The following PIGN variants were observed in gnomAD, a reference collection of about 807,000 sequenced individuals.
The protein encoded by PIGN is GPI ethanolamine phosphate transferase 1.
A neutral mutation model predicts 125.4 loss-of-function variants in PIGN; 117 were observed. The observed-to-expected ratio is 0.93, with a 90% confidence interval of 0.80 to 1.09. The LOEUF (loss-of-function observed/expected upper bound fraction) is 1.09. PIGN is among the 50% of genes least tolerant of loss of function. The pLI, the probability that PIGN is intolerant of heterozygous loss-of-function variation, is 0.00. For missense variants in PIGN, 1,075 were observed against 1,094.9 expected (o/e 0.98, Z 0.26); for synonymous variants, 392 against 377.8 (o/e 1.04, Z -0.44).
At chr18:62,087,719 A>G (rs2033772071) in intron 25 of PIGN, among the ~76,000 whole-genome samples, 1 of 152,204 alleles carries the variant, frequency 6.6e-6, no homozygotes. Context: ...GGTCAGCTCA[A>G]AGAAAATGCC....
At chr18:62,162,060 T>C (rs2036972476) in intron 3 of PIGN, among the ~76,000 whole-genome samples, 193 bp downstream of exon 3, 1 of 152,108 alleles carries the variant, frequency 6.6e-6, no homozygotes, top group Admixed American at 6.6e-5. Flanking sequence ...CCTGAATCAA[T>C]CAAAAAGGTT....
At chr18:62,070,486 G>A (rs908360514) in intron 30 of PIGN, 17 of 398,320 alleles carry the variant, frequency 4.3e-5, no homozygotes, top group African/African-American at 6.2e-5. Context: ...AAATAACCAG[G>A]CAGTACATGC....
chr18:62,050,479 A>C (rs2031182903), intron 30 of PIGN, among the ~76,000 whole-genome samples: 1 of 152,000 alleles, frequency 6.6e-6, no homozygotes, highest in East Asian at 1.9e-4. Flanking sequence ...ATGGGAGTTC[A>C]CTCATGATTT....
intron 11 of PIGN, among the ~76,000 whole-genome samples, chr18:62,142,174 A>G (rs2036163558): frequency 6.6e-6 from 1 of 152,192 alleles, no homozygotes; most frequent in African/African-American, 2.4e-5. Context: ...CAGGACAGGG[A>G]TTATGTCTGC....
rs1446576916 is a variant in PIGN at position 62,147,002 on chromosome 18, G to T, written c.774C>A (p.Ile258=). 6.2e-7 allele frequency: 1 copy of T among 1,612,204 alleles called. No homozygotes were observed. The highest frequency in any genetic ancestry group is 1.3e-5 in the African/African-American group (1 of 74,886). Residue 258 remains isoleucine (I), a synonymous_variant, in exon 9 of 31, where the codon ATC becomes ATA. Coordinates refer to ENST00000640252, the MANE Select transcript of PIGN (RefSeq NM_176787.5). ...CTGTCATTCCATGGTCAGAGGTAAA[G>T]ATAAATGTTGTTTTCCCATCATTTC... is the stretch of plus-strand genomic sequence containing the variant. ...FYGNDGKTTF[I]FTSDHGMTDW...
At chr18:62,169,008 A>G (rs928802705) in intron 1 of PIGN, among the ~76,000 whole-genome samples, 1 of 152,068 alleles carries the variant, frequency 6.6e-6, no homozygotes, top group Admixed American at 6.6e-5. Flanking sequence ...GACGTGTACC[A>G]CCATGCTCAG....
At chr18:62,053,639 T>C (rs554256919) in intron 30 of PIGN, among the ~76,000 whole-genome samples, 29 of 152,106 alleles carry the variant, frequency 1.9e-4, no homozygotes, top group Non-Finnish European at 4.3e-4. Flanking sequence ...TCAGATAAAA[T>C]AGACTTCAGA....
At chr18:62,039,231 T>C (rs2030302252), downstream of PIGN, among the ~76,000 whole-genome samples, 1 of 152,088 alleles carries the variant, frequency 6.6e-6, no homozygotes, top group Non-Finnish European at 1.5e-5. Context: ...TATTTTACAA[T>C]AGTTTTATAG....
At chr18:62,115,553 G>C (rs898662668) in intron 14 of PIGN, among the ~76,000 whole-genome samples, 3 of 151,010 alleles carry the variant, frequency 2.0e-5, no homozygotes, top group Non-Finnish European at 2.9e-5. Flanking sequence ...ACTGCACATG[G>C]GTCGACATAA....
intron 4 of PIGN, among the ~76,000 whole-genome samples, chr18:62,160,379 G>T (rs1329796606): frequency 6.6e-6 from 1 of 152,180 alleles, no homozygotes; most frequent in Non-Finnish European, 1.5e-5. Context: ...CAGTGATATA[G>T]AAGTGAAAGG....
intron 30 of PIGN, among the ~76,000 whole-genome samples, chr18:62,048,823 G>T (rs1249063699): frequency 6.7e-6 from 1 of 150,158 alleles, no homozygotes; most frequent in African/African-American, 2.5e-5. Flanking sequence ...TTTAGCATTA[G>T]GCATATCTCC....
At chr18:62,146,826 A>T (rs1240246577) in intron 9 of PIGN, 145 bp downstream of exon 9, 4 of 705,700 alleles carry the variant, frequency 5.7e-6, no homozygotes, top group Non-Finnish European at 8.3e-6. Context: ...GTTGTTTTTT[A>T]GGCTAACATT....
At chr18:62,167,338 G>A (rs1480567899) in intron 1 of PIGN, among the ~76,000 whole-genome samples, 1 of 136,054 alleles carries the variant, frequency 7.4e-6, no homozygotes, top group African/African-American at 2.9e-5. Flanking sequence ...GTGTGTGTGT[G>A]TATTCAAAGT....
At chr18:62,112,287 T>A (rs1044263406) in intron 16 of PIGN, among the ~76,000 whole-genome samples, 1 of 152,096 alleles carries the variant, frequency 6.6e-6, no homozygotes, top group Non-Finnish European at 1.5e-5. Context: ...TACAGAATAA[T>A]AAAATATAAA....
At chr18:62,021,306 G>A (rs2030052555) in intron 23 of PIGN, among the ~76,000 whole-genome samples, 2 of 152,208 alleles carry the variant, frequency 1.3e-5, no homozygotes, top group South Asian at 4.1e-4. Context: ...CAAGCCAGGA[G>A]CTGTGTGTGA....
rs139652387 is a variant in PIGN at position 62,169,140 on chromosome 18, A to G, written c.-235-5484T>C. Among the ~76,000 whole-genome samples the G allele has an allele frequency of 5.2e-4, 79 of 151,994 alleles. 1 individual carries two copies. In the East Asian group the frequency reaches 0.015, roughly 29 times the overall value. On this transcript the variant is annotated intron_variant, in intron 1 of 30. Coordinates refer to ENST00000640252, the MANE Select transcript of PIGN (RefSeq NM_176787.5). ...CAAGTGCTGGAATTATAGGTGTACC[A>G]TGCCCAGCCCACTAATGTATTTTCT...
chr18:62,119,981 T>C (rs576444759), intron 14 of PIGN, among the ~76,000 whole-genome samples: 1 of 152,228 alleles, frequency 6.6e-6, no homozygotes, highest in Non-Finnish European at 1.5e-5. Context: ...ACAGGTCTAA[T>C]ATGAATGTAA....
rs1241701180 is a variant in PIGN at position 62,114,558 on chromosome 18, T to G, written c.1251+3A>C. 6.7e-7 allele frequency: 1 copy of G among 1,488,750 alleles called. No individual in the cohort carries two copies. Among genetic ancestry groups the G allele is most frequent in the Non-Finnish European group, 9.2e-7 (1 of 1,089,528 alleles). The allele number at this position is 1,488,750 out of a possible 1,614,324, so 92.2% of individuals were successfully genotyped here. Reference sequence around the variant, plus strand: ...TTTATGTCTATAAGGCCGGTATACTTACCACTTCATCAAACTTTCTGTGTT... The same window carrying G: ...TTTATGTCTATAAGGCCGGTATACTGACCACTTCATCAAACTTTCTGTGTT... On this transcript the variant is annotated splice_donor_region_variant and intron_variant, in intron 15 of 30. Coordinates refer to ENST00000640252, the MANE Select transcript of PIGN (RefSeq NM_176787.5).
chr18:62,017,903 G>T (rs635401), intron 23 of PIGN, among the ~76,000 whole-genome samples: 11 of 151,588 alleles, frequency 7.3e-5, no homozygotes, highest in Admixed American at 2.6e-4. Context: ...ACATTTTATC[G>T]GGCATATTAC....
Sources: gnomAD v4.1 joint callset for allele counts (sites outside exome capture counted in the v4.1 genomes callset) on GRCh38, gnomAD v4.1.1 for gene constraint, MANE v1.5 for transcripts, NCBI Gene and HGNC (gene_info 2026-07-23, HGNC 2026-07-21) for gene names.